The following MMEL1 variants were observed in gnomAD, a reference collection of about 807,000 sequenced individuals.
MMEL1 encodes membrane metallo-endopeptidase-like 1.
Under a neutral mutation model 117.1 loss-of-function variants are expected in MMEL1, and 98 were observed. The ratio of observed to expected loss-of-function variants is 0.84; its 90% CI spans 0.71 to 0.99. The LOEUF (loss-of-function observed/expected upper bound fraction) is 0.99. Among genes scored for constraint, MMEL1 ranks in the 50% least tolerant of loss-of-function variants. The pLI is 0.00. For synonymous variants in MMEL1, 390 were observed against 415.1 expected, an observed-to-expected ratio of 0.94 and a Z score of 0.74; for missense variants, 1,014 against 1,049.1, an observed-to-expected ratio of 0.97 and a Z score of 0.46.
At chr1:2,594,114 C>G (rs1644791348) in intron 18 of MMEL1, 181 bp from the exon 19 acceptor site, 1 of 889,440 alleles carries the variant, frequency 1.1e-6, no homozygotes, top group Admixed American at 2.9e-5. Context: ...GGGCTCGTGC[C>G]TGGCAGACCC....
chr1:2,603,730 G>C (rs915014397), intron 11 of MMEL1, among the ~76,000 whole-genome samples, 154 bp downstream of exon 11: 2 of 152,194 alleles, frequency 1.3e-5, no homozygotes, highest in Admixed American at 1.3e-4. Flanking sequence ...TCTGCAGCAA[G>C]TTTGGGTGAT....
rs1291925106 is a variant in MMEL1, at chr1:2,592,953, G to T, written c.1881C>A (p.Asp627Glu). ...HGFDDNGRNF[D>E]KNGNMMDWWS... ...ACCAATCCATCATGTTGCCATTCTT[G>T]TCGAAGTTCCGGCCTGGGCAGGGGC... is the stretch of plus-strand genomic sequence containing the variant. The change falls in exon 20 of 24, where the codon GAC becomes GAA. Residue 627 changes from aspartate to glutamate, a missense_variant. Coordinates refer to ENST00000378412, the MANE Select transcript of MMEL1 (RefSeq NM_033467.4). The T allele has an allele frequency of 1.2e-6, 2 of 1,613,550 alleles. No homozygotes were observed. Among genetic ancestry groups the T allele is most frequent in the African/African-American group, 2.7e-5 (2 of 75,024 alleles).
chr1:2,631,792 G>A (rs530865772), intron 1 of MMEL1, among the ~76,000 whole-genome samples: 107 of 152,146 alleles, frequency 7.0e-4, no homozygotes, highest in African/African-American at 2.2e-3. Context: ...CACACCCCGC[G>A]CCAGTCCTCA....
At chr1:2,599,152 G>A (rs990732292) in intron 11 of MMEL1, among the ~76,000 whole-genome samples, 2 of 152,214 alleles carry the variant, frequency 1.3e-5, no homozygotes, top group Non-Finnish European at 2.9e-5. Context: ...GGCTTCACCA[G>A]TGGATTCTAT....
chr1:2,596,117 G>A lies in MMEL1; in HGVS notation c.1402-10C>T, dbSNP rs556413079. The A allele has an allele frequency of 4.1e-5, 66 of 1,611,584 alleles. No individual in the cohort carries two copies. The East Asian group carries it at 8.0e-4, about 20-fold the overall frequency. On this transcript the variant is annotated splice_polypyrimidine_tract_variant and intron_variant, in intron 14 of 23. Coordinates refer to ENST00000378412, the MANE Select transcript of MMEL1 (RefSeq NM_033467.4). ...CAATGAGTTCTCTGACCTGGGAATC[G>A]GGCATGGCCCTCGTGTCCCAGACTC...
At position 2,593,850 on chromosome 1, in the gene MMEL1, T is replaced by C; in HGVS notation, c.1831A>G (p.Ile611Val). 1 of 1,612,336 alleles carries C rather than the reference T, an allele frequency of 6.2e-7. No homozygotes were observed. Among genetic ancestry groups the C allele is most frequent in the Non-Finnish European group, 8.5e-7 (1 of 1,179,068 alleles). ...AAGCCGTGCGTGATCTCGTGCCCGA[T>C]CACCATCCCAATGCCTCCAAAGTTC... Reference protein sequence around the residue: ...ALNFGGIGMVIGHEITHGFDD... With the variant: ...ALNFGGIGMVVGHEITHGFDD... The change falls in exon 19 of 24, where the codon ATC becomes GTC. Residue 611 changes from isoleucine (I) to valine (V), a missense_variant. Physicochemically the swap from Ile to Val is conservative, Grantham distance 29 (BLOSUM62 3). Coordinates refer to ENST00000378412, the MANE Select transcript of MMEL1 (RefSeq NM_033467.4).
chr1:2,619,724 C>T (rs1645262868), intron 2 of MMEL1, among the ~76,000 whole-genome samples: 1 of 150,576 alleles, frequency 6.6e-6, no homozygotes, highest in African/African-American at 2.4e-5. Flanking sequence ...AAAAAGGATC[C>T]ATTGTAAATT....
rs761748162 is a variant in MMEL1, at chr1:2,596,725, C to T, written c.1273-36G>A. 2.8e-5 allele frequency: 45 copies of T among 1,607,084 alleles called. No homozygotes were observed. In the Admixed American group the frequency reaches 3.2e-4, roughly 11 times the overall value. ...CACCCGATCATCCCACGGGCCCCCA[C>T]GTCAGCCTTCCCAGGCCTGGCGTGG... is the stretch of plus-strand genomic sequence containing the variant. On this transcript the variant is annotated intron_variant, in intron 13 of 23. Coordinates refer to ENST00000378412, the MANE Select transcript of MMEL1 (RefSeq NM_033467.4).
At chr1:2,606,785 C>A (rs1361816240) in intron 7 of MMEL1, among the ~76,000 whole-genome samples, 189 bp downstream of exon 7, 4 of 152,154 alleles carry the variant, frequency 2.6e-5, no homozygotes, top group Non-Finnish European at 5.9e-5. Context: ...ACCAACTCCC[C>A]AGCATGGAAC....
At chr1:2,630,672 T>G (rs948405753) in intron 1 of MMEL1, among the ~76,000 whole-genome samples, 1 of 150,942 alleles carries the variant, frequency 6.6e-6, no homozygotes, top group African/African-American at 2.5e-5. Context: ...TGTGTGCGGA[T>G]ATGCACGTGT....
At position 2,590,959 on chromosome 1, in the gene MMEL1, G is replaced by A; in HGVS notation, c.*31C>T. 2 of 1,469,746 alleles carry A rather than the reference G, an allele frequency of 1.4e-6. No homozygotes were observed. Among genetic ancestry groups the A allele is most frequent in the Non-Finnish European group, 1.8e-6 (2 of 1,103,996 alleles). The allele number at this position is 1,469,746 out of a possible 1,614,324, so 91.0% of individuals were successfully genotyped here. A position where few individuals can be genotyped will look rare whatever the true frequency, so the allele number is the denominator to read the frequency against. On this transcript the variant is annotated 3_prime_UTR_variant, in exon 24 of 24. Transcript: ENST00000378412. ...ACAGATGCCTCCGAGCAGCGGGTGGGCGTGGGCCGCACAGCGCGGCAGGGC... is the reference window on the plus strand; with the variant it reads ...ACAGATGCCTCCGAGCAGCGGGTGGACGTGGGCCGCACAGCGCGGCAGGGC...
At position 2,594,481 on chromosome 1, in the gene MMEL1, C is replaced by G. The variant is rs145701769; in HGVS notation, c.1689-38G>C. On this transcript the variant is annotated intron_variant, in intron 17 of 23. Coordinates refer to ENST00000378412, the MANE Select transcript of MMEL1 (RefSeq NM_033467.4). ...AGCCGGTCTCTGGGAGCCGCCTCTC[C>G]GGGGACCCTCCCTCTGGGCTCTCTC... is the stretch of plus-strand genomic sequence containing the variant. 3 of 1,550,314 alleles carry G rather than the reference C, an allele frequency of 1.9e-6. No individual in the cohort carries two copies. The South Asian group carries it at 3.6e-5, about 18-fold the overall frequency.
intron 11 of MMEL1, 29 bp downstream of exon 11, chr1:2,603,855 T>C: frequency 6.2e-7 from 1 of 1,607,386 alleles, no homozygotes; most frequent in African/African-American, 1.3e-5. Context: ...ACCCGGCCAG[T>C]GCCGGCCTCC....
chr1:2,629,005 G>A (rs926477507), intron 2 of MMEL1, among the ~76,000 whole-genome samples: 2 of 151,952 alleles, frequency 1.3e-5, no homozygotes, highest in African/African-American at 4.8e-5. Context: ...CGACGGGTCT[G>A]CGCCCCCCAC....
intron 7 of MMEL1, among the ~76,000 whole-genome samples, chr1:2,606,716 C>T (rs1264061371): frequency 6.6e-6 from 1 of 152,130 alleles, no homozygotes; most frequent in African/African-American, 2.4e-5. Flanking sequence ...GTGTCGAGCG[C>T]TCCTAGGGGC....
chr1:2,597,391 C>T (rs536766681), intron 13 of MMEL1, among the ~76,000 whole-genome samples: 1 of 152,168 alleles, frequency 6.6e-6, no homozygotes, highest in South Asian at 2.1e-4. Context: ...TCAGTCTCCC[C>T]ATTGCAGTGG....
At chr1:2,605,411 G>A (rs1000850101) in intron 9 of MMEL1, 147 bp downstream of exon 9, 14 of 721,504 alleles carry the variant, frequency 1.9e-5, no homozygotes, top group African/African-American at 1.1e-4. Context: ...GTCTGCACCC[G>A]CCACCCTCAG....
At chr1:2,615,423 T>C (rs568986134) in intron 2 of MMEL1, among the ~76,000 whole-genome samples, 3 of 152,240 alleles carry the variant, frequency 2.0e-5, no homozygotes, top group South Asian at 2.1e-4. Context: ...TTCCACCTGA[T>C]CAGTAATCCT....
intron 2 of MMEL1, among the ~76,000 whole-genome samples, chr1:2,614,189 ACTGT>A (rs1645170198): frequency 6.6e-6 from 1 of 152,246 alleles, no homozygotes; most frequent in Non-Finnish European, 1.5e-5. Flanking sequence ...AATTATTTAG[ACTGT>A]CAGGGGAATC....
Sources: allele counts gnomAD v4.1 joint callset (sites outside exome capture counted in the v4.1 genomes callset), GRCh38; gene constraint gnomAD v4.1.1; transcripts MANE v1.5; gene names NCBI Gene and HGNC (gene_info 2026-07-23, HGNC 2026-07-21).